The following MAML3 variants were observed in gnomAD, a reference collection of about 807,000 sequenced individuals.
MAML3 encodes mastermind-like protein 3.
In MAML3, 27 loss-of-function variants were observed where a neutral mutation model predicts 101.9. That is an observed-to-expected ratio of 0.27 (90% CI 0.20 to 0.37). The LOEUF (loss-of-function observed/expected upper bound fraction) is 0.37. Ranked by LOEUF, MAML3 falls within the 10% of genes least tolerant of loss-of-function variation. The pLI is 1.00. For missense variants in MAML3, 1,316 were observed against 1,444.9 expected (o/e 0.91, Z 1.45); for synonymous variants, 501 against 555.9 (o/e 0.90, Z 1.39).
intron 4 of MAML3, among the ~76,000 whole-genome samples, chr4:139,723,307 T>G (rs1233900696): frequency 6.6e-6 from 1 of 151,844 alleles, no homozygotes; most frequent in Non-Finnish European, 1.5e-5. Context: ...TTGTCTCTGG[T>G]TTTTTTTGTT....
At chr4:139,908,913 A>T (rs1732867428) in intron 1 of MAML3, among the ~76,000 whole-genome samples, 1 of 152,200 alleles carries the variant, frequency 6.6e-6, no homozygotes, top group South Asian at 2.1e-4. Flanking sequence ...GAATATGTAT[A>T]CTCTAATACA....
intron 2 of MAML3, among the ~76,000 whole-genome samples, chr4:139,784,335 TA>T (rs1213396585): frequency 6.6e-6 from 1 of 152,194 alleles, no homozygotes; most frequent in Admixed American, 6.5e-5. Flanking sequence ...TTCCTGTTTC[TA>T]AAACCATCTT....
chr4:139,892,155 G>C (rs1440978641), intron 1 of MAML3, among the ~76,000 whole-genome samples: 3 of 152,186 alleles, frequency 2.0e-5, no homozygotes, highest in Non-Finnish European at 4.4e-5. Context: ...GAAGATAGTT[G>C]AAGCAGGCTC....
intron 2 of MAML3, among the ~76,000 whole-genome samples, chr4:139,772,889 C>T (rs1377707507): frequency 6.7e-6 from 1 of 149,296 alleles, no homozygotes; most frequent in African/African-American, 2.5e-5. Context: ...ACCAGCCTGG[C>T]CAAGATGGTG....
At chr4:139,964,863 A>T (rs1273821990) in intron 1 of MAML3, among the ~76,000 whole-genome samples, 2 of 152,212 alleles carry the variant, frequency 1.3e-5, no homozygotes, top group African/African-American at 4.8e-5. Context: ...GCTCTCCAGG[A>T]AAAGTAAAAA....
intron 1 of MAML3, among the ~76,000 whole-genome samples, chr4:139,925,291 G>A (rs1392023419): frequency 6.6e-6 from 1 of 152,242 alleles, no homozygotes; most frequent in East Asian, 1.9e-4. Flanking sequence ...GTGCAGTGGT[G>A]CAATCTCATC....
chr4:139,900,607 T>TATACTTTATCCGACG (rs1732699144), intron 1 of MAML3, among the ~76,000 whole-genome samples: 1 of 152,118 alleles, frequency 6.6e-6, no homozygotes, highest in Non-Finnish European at 1.5e-5. Context: ...GTATCCGAAG[T>TATACTTTATCCGACG]TATAAAGTTT....
chr4:139,780,818 C>T (rs1309994000), intron 2 of MAML3, among the ~76,000 whole-genome samples: 6 of 151,874 alleles, frequency 4.0e-5, no homozygotes, highest in South Asian at 2.1e-4. Flanking sequence ...TTAGCAGAGA[C>T]GGGTTTTACA....
At position 139,837,164 on chromosome 4, in the gene MAML3, T is replaced by C. The variant is rs192833182; in HGVS notation, c.2079+52193A>G. Reference sequence around the variant, plus strand: ...AGAAAAGAAAAGAAAAAAAAAGAATTACTAACTCCAATACTAAGCCCAACA... The same window carrying C: ...AGAAAAGAAAAGAAAAAAAAAGAATCACTAACTCCAATACTAAGCCCAACA... On this transcript the variant is annotated intron_variant, in intron 2 of 4. Transcript: ENST00000509479. Among the ~76,000 whole-genome samples the C allele has an allele frequency of 9.4e-5, 14 of 149,094 alleles. No individual in the cohort carries two copies. The East Asian group carries it at 2.6e-3, about 28-fold the overall frequency.
intron 2 of MAML3, among the ~76,000 whole-genome samples, chr4:139,885,067 T>C (rs1732300709): frequency 6.6e-6 from 1 of 152,210 alleles, no homozygotes; most frequent in Admixed American, 6.5e-5. Flanking sequence ...TTTCAAATAG[T>C]TACAAGTGAG....
chr4:139,737,753 T>C (rs931321336), intron 2 of MAML3, among the ~76,000 whole-genome samples: 1 of 152,252 alleles, frequency 6.6e-6, no homozygotes, highest in African/African-American at 2.4e-5. Flanking sequence ...TTACAAACTT[T>C]CTTTTTCCAG....
intron 2 of MAML3, among the ~76,000 whole-genome samples, chr4:139,761,385 G>A (rs1052895891): frequency 1.4e-5 from 2 of 142,584 alleles, no homozygotes; most frequent in East Asian, 1.9e-4. Context: ...AAGAGAGTCT[G>A]GAGGGGGCGT....
At chr4:139,891,249 C>T (rs1293813930) in intron 1 of MAML3, among the ~76,000 whole-genome samples, 1 of 152,184 alleles carries the variant, frequency 6.6e-6, no homozygotes, top group African/African-American at 2.4e-5. Context: ...GCAATACTCT[C>T]AGCAAGGAAG....
chr4:140,098,167 T>C (rs951397559), intron 1 of MAML3, among the ~76,000 whole-genome samples: 10 of 152,242 alleles, frequency 6.6e-5, no homozygotes, highest in African/African-American at 2.4e-4. Flanking sequence ...GAAGTGTGTT[T>C]ATTTATACCC....
At chr4:139,966,900 G>T (rs1470599608) in intron 1 of MAML3, among the ~76,000 whole-genome samples, 1 of 151,992 alleles carries the variant, frequency 6.6e-6, no homozygotes, top group African/African-American at 2.4e-5. Context: ...TAGCCCTCCT[G>T]GATATAAGCT....
chr4:139,875,352 G>C (rs1238567385), intron 2 of MAML3, among the ~76,000 whole-genome samples: 1 of 152,110 alleles, frequency 6.6e-6, no homozygotes, highest in Non-Finnish European at 1.5e-5. Context: ...TGCAAAAACG[G>C]AGAGAACTGT....
At chr4:139,884,172 CGG>C (rs1560823871) in intron 2 of MAML3, among the ~76,000 whole-genome samples, 5 of 152,086 alleles carry the variant, frequency 3.3e-5, no homozygotes, top group Non-Finnish European at 7.4e-5. Context: ...GCGTGAGCCA[CGG>C]CGCCTGGCTG....
At chr4:139,860,961 T>C (rs1205469615) in intron 2 of MAML3, among the ~76,000 whole-genome samples, 1 of 152,210 alleles carries the variant, frequency 6.6e-6, no homozygotes, top group African/African-American at 2.4e-5. Flanking sequence ...ACTCAGTGTT[T>C]TTAAACTCAG....
intron 1 of MAML3, among the ~76,000 whole-genome samples, chr4:139,908,336 T>A (rs964764474): frequency 4.6e-5 from 7 of 152,238 alleles, no homozygotes; most frequent in African/African-American, 1.7e-4. Flanking sequence ...TACTGTGTAG[T>A]AAAACCTGAT....
Sources: allele counts gnomAD v4.1 joint callset (sites outside exome capture counted in the v4.1 genomes callset), GRCh38; gene constraint gnomAD v4.1.1; transcripts MANE v1.5; gene names NCBI Gene and HGNC (gene_info 2026-07-23, HGNC 2026-07-21).